THBS2: variants seen among roughly 807,000 people sequenced by gnomAD.
The protein encoded by THBS2 is thrombospondin 2.
THBS2 carries 47 observed loss-of-function variants against 135.2 expected under a neutral mutation model. That is an observed-to-expected ratio of 0.35 (90% confidence interval 0.28 to 0.44). The LOEUF is 0.44. THBS2 is among the 20% of genes least tolerant of loss of function. The probability of loss-of-function intolerance (pLI) is 1.00; values close to 1 mark genes in which losing one functional copy is unlikely to be tolerated. For synonymous variants in THBS2, 639 were observed against 633.8 expected, an observed-to-expected ratio of 1.01 and a Z score of -0.12; for missense variants, 1,288 against 1,603.1, an observed-to-expected ratio of 0.80 and a Z score of 3.36.
chr6:169,231,641 A>G (rs1417642149), intron 13 of THBS2, among the ~76,000 whole-genome samples: 1 of 152,240 alleles, frequency 6.6e-6, no homozygotes, highest in East Asian at 1.9e-4. Context: ...CCTGAGACAC[A>G]ATGGCCTCTG....
chr6:169,240,102 TC>T (rs1039175336), intron 6 of THBS2, among the ~76,000 whole-genome samples: 2 of 152,188 alleles, frequency 1.3e-5, no homozygotes, highest in Non-Finnish European at 2.9e-5. Flanking sequence ...GGCTTGTATT[TC>T]CCCCAAACGT....
Position 169,220,333 on chromosome 6 carries a change from A to G in THBS2, c.3376T>C (p.Leu1126=). 1 of 1,607,638 alleles carries G rather than the reference A, an allele frequency of 6.2e-7. No individual in the cohort carries two copies. The highest frequency in any genetic ancestry group is 8.5e-7 in the Non-Finnish European group (1 of 1,177,452). ...ATGACCTGTTTTCCTTCATGCACTAAGACTCTAAAAATGGTGTTTAAAAAG... is the reference window on the plus strand; with the variant it reads ...ATGACCTGTTTTCCTTCATGCACTAGGACTCTAAAAATGGTGTTTAAAAAG... The part of the protein sequence containing the change: ...HRPKTGYIRV[L]VHEGKQVMAD... The change falls in exon 21 of 22, where the codon TTA becomes CTA. Residue 1126 remains leucine (L), a synonymous_variant. Coordinates refer to ENST00000617924, the MANE Select transcript of THBS2 (RefSeq NM_003247.5).
chr6:169,239,610 G>A lies in THBS2; in HGVS notation c.1118C>T (p.Ser373Phe), dbSNP rs925070493. 5 of 1,601,798 alleles carry A rather than the reference G, an allele frequency of 3.1e-6. No homozygotes were observed. In the African/African-American group the frequency reaches 4.0e-5, roughly 13 times the overall value. Residue 373 changes from serine to phenylalanine, a missense_variant, in exon 7 of 22, where the codon TCC (serine) becomes TTC (phenylalanine). This residue lies in a region of THBS2 where 874 missense variants were observed against 1,156.1 expected (regional missense o/e 0.76). Coordinates refer to ENST00000617924, the MANE Select transcript of THBS2 (RefSeq NM_003247.5). The part of the protein sequence containing the change: ...PSFVEGECCP[S>F]CLHSVDGEEG... The stretch of plus-strand genomic sequence containing the variant: ...CTGGCGATACTCACAGTGGAGGCAG[G>A]AAGGGCAGCATTCGCCTTCCACAAA...
At position 169,223,255 on chromosome 6, in the gene THBS2, G is replaced by A. The variant is rs35671519; in HGVS notation, c.2994C>T (p.Ile998=). Residue 998 remains isoleucine (I), a synonymous_variant, in exon 18 of 22, where the codon ATC becomes ATT. Coordinates refer to ENST00000617924, the MANE Select transcript of THBS2 (RefSeq NM_003247.5). ...LVQTANSDPG[I]AVGFDEFGSV... ...CGTGTCTCAGAGACTCACCTACAGCGATGCCGGGGTCCGAGTTGGCTGTCT... is the reference window on the plus strand; with the variant it reads ...CGTGTCTCAGAGACTCACCTACAGCAATGCCGGGGTCCGAGTTGGCTGTCT... 1.5e-3 allele frequency: 2,489 copies of A among 1,613,334 alleles called. 33 individuals carry two copies. In the African/African-American group the frequency reaches 0.029, roughly 19 times the overall value.
chr6:169,237,854 C>T, intron 7 of THBS2, 59 bp from the exon 8 acceptor site: 1 of 1,561,464 alleles, frequency 6.4e-7, no homozygotes, highest in Non-Finnish European at 8.6e-7. Flanking sequence ...TGCCACAGAA[C>T]AGAACGGGCA....
chr6:169,240,386 C>A, intron 6 of THBS2, 66 bp downstream of exon 6: 1 of 1,583,718 alleles, frequency 6.3e-7, no homozygotes, highest in Non-Finnish European at 8.6e-7. Flanking sequence ...CATTTCCAGG[C>A]AGTCAGGTTC....
At chr6:169,229,444 G>T in intron 14 of THBS2, 128 bp downstream of exon 14, 1 of 714,724 alleles carries the variant, frequency 1.4e-6, no homozygotes, top group Non-Finnish European at 2.4e-6. Flanking sequence ...TTTGGGAACT[G>T]CCTATGCACA....
At position 169,244,786 on chromosome 6, in the gene THBS2, A is replaced by G. The variant is rs1780488058; in HGVS notation, c.694+1411T>C. 3.9e-5 allele frequency among the ~76,000 whole-genome samples: 6 copies of G among 152,264 alleles called. No individual in the cohort carries two copies. The South Asian group carries it at 1.2e-3, about 32-fold the overall frequency. ...CCAAGATAACTCTGCCTGTGCTGCAAATCACCCCTCAGGTAACAGGCACAG... is the reference window on the plus strand; with the variant it reads ...CCAAGATAACTCTGCCTGTGCTGCAGATCACCCCTCAGGTAACAGGCACAG... On this transcript the variant is annotated intron_variant, in intron 4 of 21. Transcript: ENST00000617924.
intron 2 of THBS2, among the ~76,000 whole-genome samples, chr6:169,249,611 T>G (rs1251179567): frequency 6.6e-6 from 1 of 152,230 alleles, no homozygotes; most frequent in Non-Finnish European, 1.5e-5. Context: ...CTCCAACTCT[T>G]AATGCACCCT....
chr6:169,218,370 T>C lies in THBS2; in HGVS notation c.3512-541A>G, dbSNP rs188365357. On this transcript the variant is annotated intron_variant, in intron 21 of 21. Transcript: ENST00000617924. ...TGGATGAGATGAATTGATGGATGGA[T>C]GGATGAATGAGATAGGTGGGTTGGT... 2.3e-4 allele frequency among the ~76,000 whole-genome samples: 30 copies of C among 129,732 alleles called. No homozygotes were observed. The East Asian group carries it at 6.0e-3, about 26-fold the overall frequency. The allele number at this position is 129,732 out of a possible 152,430, so 85.1% of individuals were successfully genotyped here. A position where few individuals can be genotyped will look rare whatever the true frequency, so the allele number is the denominator to read the frequency against.
At chr6:169,240,098 T>C (rs1408250072) in intron 6 of THBS2, among the ~76,000 whole-genome samples, 1 of 152,234 alleles carries the variant, frequency 6.6e-6, no homozygotes, top group African/African-American at 2.4e-5. Flanking sequence ...CAGTGGCTTG[T>C]ATTTCCCCCA....
At position 169,217,648 on chromosome 6, in the gene THBS2, T is replaced by G. The variant is rs1583400660; in HGVS notation, c.*174A>C. The G allele has an allele frequency of 1.7e-6, 1 of 597,542 alleles. No individual in the cohort carries two copies. The highest frequency in any genetic ancestry group is 2.9e-6 in the Non-Finnish European group (1 of 348,146). The allele number at this position is 597,542 out of a possible 1,614,324, so 37.0% of individuals were successfully genotyped here. A position where few individuals can be genotyped will look rare whatever the true frequency, so the allele number is the denominator to read the frequency against. On this transcript the variant is annotated 3_prime_UTR_variant, in exon 22 of 22. Transcript: ENST00000617924. ...CATCTCTGAGTTCCATTGATATTTA[T>G]CCTCTGAAGGCACTTGGGTTTGGGG...
chr6:169,247,283 GGTGA>G (rs1326930606), intron 3 of THBS2, among the ~76,000 whole-genome samples: 1 of 152,166 alleles, frequency 6.6e-6, no homozygotes, highest in African/African-American at 2.4e-5. Context: ...CATGTGAAAG[GGTGA>G]GTGCCTGTGT....
rs758457674 is a variant in THBS2 at position 169,223,393 on chromosome 6, A to G, written c.2856T>C (p.Asn952=). Reference sequence around the variant, plus strand: ...TCCTGAAGTCTGTCTCACTGATGGCATTGTTTTCAGGACACACATCATCAA... The same window carrying G: ...TCCTGAAGTCTGTCTCACTGATGGCGTTGTTTTCAGGACACACATCATCAA... ...PDIDDVCPEN[N]AISETDFRNF... Residue 952 remains asparagine, a synonymous_variant, in exon 18 of 22, where the codon AAT becomes AAC. Coordinates refer to ENST00000617924, the MANE Select transcript of THBS2 (RefSeq NM_003247.5). 1.9e-6 allele frequency: 3 copies of G among 1,614,176 alleles called. No individual in the cohort carries two copies. The highest frequency in any genetic ancestry group is 1.1e-5 in the South Asian group (1 of 91,088).
At chr6:169,234,553 T>G (rs1189854405) in intron 10 of THBS2, 181 bp downstream of exon 10, 1 of 668,184 alleles carries the variant, frequency 1.5e-6, no homozygotes, top group African/African-American at 1.8e-5. Context: ...GCATCTTTTT[T>G]GTTTTTACAT....
chr6:169,247,221 G>C (rs898890327), intron 3 of THBS2, among the ~76,000 whole-genome samples: 1 of 152,158 alleles, frequency 6.6e-6, no homozygotes, highest in African/African-American at 2.4e-5. Flanking sequence ...CTGATTAATC[G>C]TGGTTTAGAA....
At chr6:169,225,061 G>C in intron 17 of THBS2, 84 bp downstream of exon 17, 2 of 1,314,408 alleles carry the variant, frequency 1.5e-6, no homozygotes, top group Non-Finnish European at 2.2e-6. Flanking sequence ...GATTTAAGAT[G>C]ATCTCCGTGC....
Position 169,240,458 on chromosome 6 carries a change from G to C in THBS2, c.1026C>G (p.Thr342=), listed in dbSNP as rs202126866. ...CCGTGTTCTGGGGCCTCACCTTGCA[G>C]GTACACGTGGTGCAGCTGTCCACCA... ...TWVVDSCTTC[T]CKKFKTICHQ... Residue 342 remains threonine, a synonymous_variant, in exon 6 of 22, where the codon ACC becomes ACG. Coordinates refer to ENST00000617924, the MANE Select transcript of THBS2 (RefSeq NM_003247.5). 6.2e-7 allele frequency: 1 copy of C among 1,613,354 alleles called. No homozygotes were observed. Among genetic ancestry groups the C allele is most frequent in the Admixed American group, 1.7e-5 (1 of 59,992 alleles).
In THBS2 at chr6:169,240,434, C is replaced by T. The variant is rs6906765; in HGVS notation, c.1032+18G>A. 249,151 of 1,610,784 alleles carry T rather than the reference C, an allele frequency of 0.15. 20,107 individuals carry two copies. The highest frequency in any genetic ancestry group is 0.23 in the Admixed American group (13,999 of 59,908). On this transcript the variant is annotated intron_variant, in intron 6 of 21. Transcript: ENST00000617924. ...GATGGTGGCCTCTTCCCCCAAGAGC[C>T]GTGTTCTGGGGCCTCACCTTGCAGG... is the stretch of plus-strand genomic sequence containing the variant.
Sources: gnomAD v4.1 joint callset for allele counts (sites outside exome capture counted in the v4.1 genomes callset) on GRCh38, gnomAD v4.1.1 for gene constraint, gnomAD v4.1.1 regional missense constraint, MANE v1.5 for transcripts, NCBI Gene and HGNC (gene_info 2026-07-23, HGNC 2026-07-21) for gene names.